Variants in ROBO4 observed in about 807,000 individuals in gnomAD.
ROBO4 encodes roundabout guidance receptor 4, also known as roundabout homolog 4.
A neutral mutation model predicts 103.3 loss-of-function variants in ROBO4; 80 were observed. That is an observed-to-expected ratio of 0.77 (90% CI 0.65 to 0.93). The LOEUF (loss-of-function observed/expected upper bound fraction) is 0.93, where lower values mean the gene tolerates loss of function less well. Among genes scored for constraint, ROBO4 ranks in the 40% least tolerant of loss-of-function variants. The pLI is 0.00. For synonymous variants in ROBO4, 504 were observed against 529.7 expected (o/e 0.95, Z 0.67); for missense variants, 1,333 against 1,305.3 (o/e 1.02, Z -0.33).
rs749428891 is a variant in ROBO4 at position 124,895,843 on chromosome 11, A to T, written c.749T>A (p.Leu250Gln). ...GGGGCCCTCTGCAGGATCCGGGTTC[A>T]GCAGTGTCACATTTTCCAGCTGAAT... Reference protein sequence around the residue: ...VRIQLENVTLLNPDPAEGPKP... With the variant: ...VRIQLENVTLQNPDPAEGPKP... The change falls in exon 5 of 18, where the codon CTG (leucine) becomes CAG (glutamine). Residue 250 changes from leucine to glutamine, a missense_variant. Transcript: ENST00000306534. 1.9e-6 allele frequency: 3 copies of T among 1,614,028 alleles called. No homozygotes were observed. In the African/African-American group the frequency reaches 4.0e-5, roughly 22 times the overall value.
At chr11:124,885,407 G>A (rs78995362) in intron 16 of ROBO4, among the ~76,000 whole-genome samples, 160 bp from the exon 17 acceptor site, 6,422 of 152,196 alleles carry the variant, frequency 0.042, 157 homozygotes, top group Middle Eastern at 0.11. Context: ...ATCCCCAGGG[G>A]CCCGATCCAT....
rs1565326834 is a variant in ROBO4, at chr11:124,895,072, TG to T, written c.1149+8del. ...CAGTAGGAAGGGCTATGACAGCTAG[TG>T]GGGGTACCTGGTAGCCACGGATGAT... On this transcript the variant is annotated splice_region_variant and intron_variant, in intron 7 of 17. Transcript: ENST00000306534. The T allele has an allele frequency of 3.8e-6, 6 of 1,596,384 alleles. No homozygotes were observed. The highest frequency in any genetic ancestry group is 1.7e-5 in the Admixed American group (1 of 60,002).
rs774923165 is a variant in ROBO4 at position 124,885,229 on chromosome 11, G to A, written c.2813C>T (p.Ser938Phe). The change falls in exon 17 of 18, where the codon TCC (serine) becomes TTC (phenylalanine). Residue 938 changes from serine to phenylalanine, a missense_variant. Physicochemically the swap from Ser to Phe is radical, Grantham distance 155 (BLOSUM62 -2). Coordinates refer to ENST00000306534, the MANE Select transcript of ROBO4 (RefSeq NM_019055.6). ...GGTCAGGAAGATCTCATCCCGTGGG[G>A]AGGGAGGTGATGAGGCATCTGTCAG... ...CVFIDASSPP[S>F]PRDEIFLTPN... 29 of 1,611,964 alleles carry A rather than the reference G, an allele frequency of 1.8e-5. No homozygotes were observed. In the East Asian group the frequency reaches 5.6e-4, roughly 31 times the overall value.
In ROBO4 at chr11:124,891,324, C is replaced by A. The variant is rs958298127; in HGVS notation, c.1923G>T (p.Glu641Asp). The change falls in exon 12 of 18, where the codon GAG (glutamate) becomes GAT (aspartate). Residue 641 changes from glutamate (E) to aspartate (D), a missense_variant. Physicochemically the swap from Glu to Asp is conservative, Grantham distance 45. Coordinates refer to ENST00000306534, the MANE Select transcript of ROBO4 (RefSeq NM_019055.6). The stretch of plus-strand genomic sequence containing the variant: ...CCTGCTTCTTTTTGGCCTTCCAAGC[C>A]TCTGCAGGGGCCAGAGACAAGCGGG... ...SSPRLSLAPA[E>D]AWKAKKKQEL... The A allele has an allele frequency of 2.6e-6, 4 of 1,523,172 alleles. No homozygotes were observed. The African/African-American group carries it at 4.2e-5, about 16-fold the overall frequency. The allele number at this position is 1,523,172 out of a possible 1,614,324, so 94.4% of individuals were successfully genotyped here. A position where few individuals can be genotyped will look rare whatever the true frequency, so the allele number is the denominator to read the frequency against.
Position 124,895,531 on chromosome 11 carries a change from A to G in ROBO4, c.962T>C (p.Phe321Ser). 1.2e-6 allele frequency: 2 copies of G among 1,612,192 alleles called. No homozygotes were observed. Among genetic ancestry groups the G allele is most frequent in the Non-Finnish European group, 1.7e-6 (2 of 1,179,980 alleles). Residue 321 changes from phenylalanine (F) to serine (S), a missense_variant, in exon 6 of 18, where the codon TTC (phenylalanine) becomes TCC (serine). Physicochemically the swap from Phe to Ser is radical, Grantham distance 155. Coordinates refer to ENST00000306534, the MANE Select transcript of ROBO4 (RefSeq NM_019055.6). ...GGLHWGQDYE[F>S]KVRPSSGRAR... is the part of the protein sequence containing the mutation. ...CCGGCCAGAGGATGGTCTCACTTTGAACTCGTAGTCTTGGCCCCAGTGGAG... is the reference window on the plus strand; with the variant it reads ...CCGGCCAGAGGATGGTCTCACTTTGGACTCGTAGTCTTGGCCCCAGTGGAG...
At position 124,896,664 on chromosome 11, in the gene ROBO4, C is replaced by G. The variant is rs776913148; in HGVS notation, c.407G>C (p.Arg136Pro). The G allele has an allele frequency of 1.2e-6, 2 of 1,613,884 alleles. No individual in the cohort carries two copies. The highest frequency in any genetic ancestry group is 1.7e-5 in the Admixed American group (1 of 60,006). The change falls in exon 3 of 18, where the codon CGG becomes CCG. Residue 136 changes from arginine (R) to proline (P), a missense_variant. By Grantham distance (103) the Arg-to-Pro change is moderately radical. Coordinates refer to ENST00000306534, the MANE Select transcript of ROBO4 (RefSeq NM_019055.6). ...RGARLSVAVLREDFQIQPRDM... is the reference protein window; with the variant it reads ...RGARLSVAVLPEDFQIQPRDM... ...CCGAGGCTGGATCTGGAAATCCTCC[C>G]GGAGGACTGTGGGGAGGATGGAAGG...
intron 6 of ROBO4, 94 bp from the exon 7 acceptor site, chr11:124,895,287 G>T: frequency 8.6e-7 from 1 of 1,160,584 alleles, no homozygotes; most frequent in Non-Finnish European, 1.3e-6. Context: ...GAACCCTACT[G>T]AAGAGACAAG....
rs754253542 is a variant in ROBO4, at chr11:124,891,784, G to A, written c.1566C>T (p.Ser522=). 1.7e-5 allele frequency: 27 copies of A among 1,614,020 alleles called. 1 individual carries two copies. The African/African-American group carries it at 2.0e-4, about 12-fold the overall frequency. ...AACGCCAAGTGTCTGCCAACCACTG[G>A]GAGTCACTGTGATCCATCCTGGGGC... ...ILKHRMDHSD[S]QWLADTWRST... Residue 522 remains serine (S), a synonymous_variant, in exon 11 of 18, where the codon TCC becomes TCT. Transcript: ENST00000306534.
chr11:124,887,177 C>G lies in ROBO4; in HGVS notation c.2235G>C (p.Leu745=). 1.2e-6 allele frequency: 2 copies of G among 1,602,674 alleles called. No homozygotes were observed. Among genetic ancestry groups the G allele is most frequent in the Non-Finnish European group, 1.7e-6 (2 of 1,173,580 alleles). ...PVAPQAPSSI[L]LPAAPIPILS... The stretch of plus-strand genomic sequence containing the variant: ...GGATGGGGATGGGGGCTGCTGGCAG[C>G]AGGATGGAGGAGGGAGCCTGTGGTG... Residue 745 remains leucine (L), a synonymous_variant, in exon 15 of 18, where the codon CTG becomes CTC. Coordinates refer to ENST00000306534, the MANE Select transcript of ROBO4 (RefSeq NM_019055.6).
rs1395143913 is a variant in ROBO4 at position 124,897,268 on chromosome 11, G to A, written c.71-7C>T. The A allele has an allele frequency of 6.3e-6, 9 of 1,434,928 alleles. No homozygotes were observed. The South Asian group carries it at 1.2e-4, about 19-fold the overall frequency. 88.9% of individuals were successfully genotyped at this position (1,434,928 alleles called of 1,614,324 possible). A position where few individuals can be genotyped will look rare whatever the true frequency, so the allele number is the denominator to read the frequency against. On this transcript the variant is annotated splice_polypyrimidine_tract_variant and splice_region_variant and intron_variant, in intron 1 of 17. Coordinates refer to ENST00000306534, the MANE Select transcript of ROBO4 (RefSeq NM_019055.6). ...GAGTCCTGAGCCATGCCTCCTGGGA[G>A]GGAAAGGGAGCAGAGCCCAGTCTGA... is the stretch of plus-strand genomic sequence containing the variant.
Position 124,887,494 on chromosome 11 carries a change from C to T in ROBO4, c.2062G>A (p.Val688Met). 6.2e-7 allele frequency: 1 copy of T among 1,613,738 alleles called. No individual in the cohort carries two copies. Among genetic ancestry groups the T allele is most frequent in the Admixed American group, 1.7e-5 (1 of 60,002 alleles). ...SKNLSQSPGA[V>M]PQALVAWRAL... is the part of the protein sequence containing the mutation. ...CGCCAGGCAACCAGAGCTTGGGGCA[C>T]AGCTCCTGGGGAAGAGAAGCCTGGG... Residue 688 changes from valine to methionine, a missense_variant, in exon 14 of 18, where the codon GTG becomes ATG. Val to Met is a conservative substitution (Grantham distance 21). Transcript: ENST00000306534.
intron 8 of ROBO4, 22 bp downstream of exon 8, chr11:124,894,179 G>C (rs769092821): frequency 6.9e-6 from 11 of 1,596,140 alleles, no homozygotes; most frequent in Admixed American, 1.7e-5. Context: ...GGGTAGGGTG[G>C]GTCTGTGGGC....
At chr11:124,888,090 C>A (rs1360459125) in intron 12 of ROBO4, among the ~76,000 whole-genome samples, 1 of 152,240 alleles carries the variant, frequency 6.6e-6, no homozygotes, top group African/African-American at 2.4e-5. Flanking sequence ...GTCCATGTAC[C>A]TTTCTGAGTC....
chr11:124,887,687 C>T (rs1392807157), intron 13 of ROBO4, 46 bp downstream of exon 13: 13 of 1,583,472 alleles, frequency 8.2e-6, no homozygotes, highest in African/African-American at 1.4e-5. Context: ...TGCATCCCTA[C>T]ACCCTATCTC....
At chr11:124,889,223 A>C (rs1439120470) in intron 12 of ROBO4, among the ~76,000 whole-genome samples, 1 of 152,176 alleles carries the variant, frequency 6.6e-6, no homozygotes, top group Non-Finnish European at 1.5e-5. Context: ...TGACCCAGGT[A>C]ATCTGGGGAG....
At chr11:124,895,235 A>G in intron 6 of ROBO4, 42 bp from the exon 7 acceptor site, 1 of 1,485,128 alleles carries the variant, frequency 6.7e-7, no homozygotes, top group Non-Finnish European at 9.4e-7. Flanking sequence ...TCTGAGGGAG[A>G]GGACTCTAGG....
chr11:124,885,051 G>A lies in ROBO4; in HGVS notation c.2991C>T (p.Pro997=). The change falls in exon 17 of 18, where the codon CCC becomes CCT. Residue 997 remains proline, a synonymous_variant. Coordinates refer to ENST00000306534, the MANE Select transcript of ROBO4 (RefSeq NM_019055.6). ...AAGACAGACACTCACCACCAGCCTT[G>A]GGCATACGACAGTGGAGCTGACTTC... ...SQRSQLHCRM[P]KAGASPVDYS 1 of 1,614,120 alleles carries A rather than the reference G, an allele frequency of 6.2e-7. No individual in the cohort carries two copies. Among genetic ancestry groups the A allele is most frequent in the Non-Finnish European group, 8.5e-7 (1 of 1,180,008 alleles).
rs1946743158 is a variant in ROBO4 at position 124,887,915 on chromosome 11, C to G, written c.1949-75G>C. On this transcript the variant is annotated intron_variant, in intron 12 of 17. Transcript: ENST00000306534. The stretch of plus-strand genomic sequence containing the variant: ...CCCCAGCTGCTGGCTCTATCTTCAG[C>G]CTTATTCAATTCAGCCTGCACGACC... 3 of 1,273,454 alleles carry G rather than the reference C, an allele frequency of 2.4e-6. No homozygotes were observed. The South Asian group carries it at 4.0e-5, about 17-fold the overall frequency. 78.9% of individuals were successfully genotyped at this position (1,273,454 alleles called of 1,614,324 possible).
chr11:124,887,967 C>T lies in ROBO4; in HGVS notation c.1949-127G>A, dbSNP rs80130428. 919 of 685,302 alleles carry T rather than the reference C, an allele frequency of 1.3e-3. 11 individuals are homozygous for T. The African/African-American group carries it at 0.015, about 11-fold the overall frequency. The allele number at this position is 685,302 out of a possible 1,614,324, so 42.5% of individuals were successfully genotyped here. On this transcript the variant is annotated intron_variant, in intron 12 of 17. Transcript: ENST00000306534. The stretch of plus-strand genomic sequence containing the variant: ...TGAACCCAGAGAAAAGAGGGGGAAC[C>T]CCCTGAATCCCCTCCACACCCCCAT...
Sources: gnomAD v4.1 joint callset for allele counts (sites outside exome capture counted in the v4.1 genomes callset) on GRCh38, gnomAD v4.1.1 for gene constraint, MANE v1.5 for transcripts, NCBI Gene and HGNC (gene_info 2026-07-23, HGNC 2026-07-21) for gene names.